Variants in NEBL observed in about 807,000 individuals in gnomAD.
NEBL encodes LIM and SH3 protein 2.
Under a neutral mutation model 140.2 loss-of-function variants are expected in NEBL, and 122 were observed. The observed-to-expected ratio is 0.87, with a 90% CI of 0.75 to 1.01. NEBL has a LOEUF of 1.01. NEBL is among the 50% of genes least tolerant of loss of function. NEBL has a pLI of 0.00. For missense variants in NEBL, 1,365 were observed against 1,231.3 expected, an observed-to-expected ratio of 1.11 and a Z score of -1.62; for synonymous variants, 436 against 398.9, an observed-to-expected ratio of 1.09 and a Z score of -1.11.
At chr10:20,897,514 A>G, upstream of NEBL, 4 of 1,117,274 alleles carry the variant, frequency 3.6e-6, no homozygotes, top group Non-Finnish European at 4.4e-6. Context: ...GAAAAAATTT[A>G]TTTATCTTTT....
At chr10:21,060,125 C>T (rs1262599387) in intron 2 of NEBL, among the ~76,000 whole-genome samples, 1 of 152,136 alleles carries the variant, frequency 6.6e-6, no homozygotes. Flanking sequence ...CCAGATCTCC[C>T]AGGCAATGAT....
At chr10:21,078,944 C>T (rs981854677) in intron 2 of NEBL, among the ~76,000 whole-genome samples, 5 of 152,182 alleles carry the variant, frequency 3.3e-5, no homozygotes, top group African/African-American at 1.2e-4. Flanking sequence ...TAAGCACGTG[C>T]GGCTCCTGCC....
intron 10 of NEBL, among the ~76,000 whole-genome samples, chr10:20,851,689 G>A (rs953275301): frequency 6.6e-6 from 1 of 152,018 alleles, no homozygotes; most frequent in African/African-American, 2.4e-5. Flanking sequence ...GGAGGCTGAG[G>A]CAGGAGAATC....
chr10:21,270,978 C>T (rs1442288205), intron 1 of NEBL, among the ~76,000 whole-genome samples: 1 of 152,144 alleles, frequency 6.6e-6, no homozygotes, highest in African/African-American at 2.4e-5. Flanking sequence ...CCTCAAAAGA[C>T]TGAAAATAGA....
At chr10:21,007,613 T>C (rs955824723) in intron 3 of NEBL, among the ~76,000 whole-genome samples, 1 of 152,210 alleles carries the variant, frequency 6.6e-6, no homozygotes, top group Non-Finnish European at 1.5e-5. Flanking sequence ...GTGTGGTTAT[T>C]TATTAGTAAC....
At chr10:21,010,510 T>A (rs1564479069) in intron 3 of NEBL, among the ~76,000 whole-genome samples, 1 of 149,916 alleles carries the variant, frequency 6.7e-6, no homozygotes, top group African/African-American at 2.5e-5. Flanking sequence ...CACCTCGAAC[T>A]CCCAAAGCAC....
At chr10:20,819,707 A>G (rs551773078) in intron 19 of NEBL, among the ~76,000 whole-genome samples, 191 bp from the exon 20 acceptor site, 2 of 151,696 alleles carry the variant, frequency 1.3e-5, no homozygotes, top group South Asian at 4.2e-4. Flanking sequence ...TTTCCTTGTC[A>G]AGTGGTTTTG....
chr10:21,255,109 A>G (rs1345767947), intron 1 of NEBL, among the ~76,000 whole-genome samples: 2 of 152,212 alleles, frequency 1.3e-5, no homozygotes, highest in East Asian at 1.9e-4. Context: ...CTTGAGTCTG[A>G]AGATGGTTCG....
intron 3 of NEBL, among the ~76,000 whole-genome samples, chr10:20,979,220 C>A (rs1836932667): frequency 6.6e-6 from 1 of 151,860 alleles, no homozygotes; most frequent in African/African-American, 2.4e-5. Flanking sequence ...GAGTTGGAGA[C>A]CAGCCTGGGC....
intron 3 of NEBL, among the ~76,000 whole-genome samples, chr10:20,976,922 TA>T (rs373538681): frequency 0.029 from 3,778 of 129,590 alleles, 95 homozygotes; most frequent in African/African-American, 0.077. Context: ...GAATCTACAT[TA>T]AAAAAAAAAA....
intron 2 of NEBL, among the ~76,000 whole-genome samples, chr10:21,162,179 T>C (rs1014817174): frequency 6.6e-6 from 1 of 152,202 alleles, no homozygotes; most frequent in African/African-American, 2.4e-5. Flanking sequence ...AAAACACATA[T>C]TGATCCCACA....
chr10:20,887,110 G>A (rs1846590711), intron 4 of NEBL, among the ~76,000 whole-genome samples: 2 of 152,102 alleles, frequency 1.3e-5, no homozygotes, highest in Admixed American at 6.5e-5. Context: ...ACCAGAAAGA[G>A]GTGAAACATT....
intron 4 of NEBL, among the ~76,000 whole-genome samples, chr10:20,883,194 C>T (rs571881669): frequency 1.1e-4 from 16 of 152,320 alleles, no homozygotes; most frequent in African/African-American, 3.4e-4. Flanking sequence ...AACACATCCA[C>T]GGACCACAAC....
chr10:21,169,101 T>A (rs1840963777), intron 2 of NEBL, among the ~76,000 whole-genome samples: 1 of 121,866 alleles, frequency 8.2e-6, no homozygotes, highest in Admixed American at 8.8e-5. Context: ...TATATATATA[T>A]ATATATTTGG....
At position 20,835,520 on chromosome 10, in the gene NEBL, G is replaced by T; in HGVS notation, c.1442C>A (p.Ala481Glu). Residue 481 changes from alanine to glutamate, a missense_variant, in exon 14 of 28, where the codon GCG becomes GAG. Ala to Glu is a moderately radical substitution (Grantham distance 107). This residue lies in a region of NEBL where 1,323 missense variants were observed against 1,154.8 expected (regional missense o/e 1.15). Coordinates refer to ENST00000377122, the MANE Select transcript of NEBL (RefSeq NM_006393.3). ...ATCACGCACCCTACTAACCTCACTC[G>T]CTATCTCTGCAGCCTTCTTGGCATG... The part of the protein sequence containing the change: ...MQHAKKAAEI[A>E]SEKDYKRDLE... 6.2e-7 allele frequency: 1 copy of T among 1,609,234 alleles called. No homozygotes were observed.
At chr10:21,197,201 C>A (rs1010009923) in intron 3 of NEBL, among the ~76,000 whole-genome samples, 2 of 152,206 alleles carry the variant, frequency 1.3e-5, no homozygotes, top group Admixed American at 6.5e-5. Context: ...GCATCAGAAT[C>A]CCTATGAGGT....
intron 3 of NEBL, among the ~76,000 whole-genome samples, chr10:21,186,448 G>A (rs1841473590): frequency 6.6e-6 from 1 of 151,988 alleles, no homozygotes. Context: ...ATTTGTTCCA[G>A]GACTCCCTGC....
chr10:21,163,205 G>GT (rs986217375), intron 2 of NEBL, among the ~76,000 whole-genome samples: 4 of 151,824 alleles, frequency 2.6e-5, no homozygotes, highest in Admixed American at 6.6e-5. Context: ...TAGAAACCCA[G>GT]TTTTTTTTCC....
rs547746275 is a variant in NEBL, at chr10:20,803,707, A to G, written c.2761+4803T>C. ...CATCACTCCACTTTTTATAGAGTCA[A>G]TCAGCACCTTCTCACCAGAGCCCAG... On this transcript the variant is annotated intron_variant, in intron 26 of 27. Coordinates refer to ENST00000377122, the MANE Select transcript of NEBL (RefSeq NM_006393.3). 2.2e-4 allele frequency among the ~76,000 whole-genome samples: 34 copies of G among 151,778 alleles called. 1 individual carries two copies. In the East Asian group the frequency reaches 3.1e-3, roughly 14 times the overall value.
Sources: gnomAD v4.1 joint callset for allele counts (sites outside exome capture counted in the v4.1 genomes callset) on GRCh38, gnomAD v4.1.1 for gene constraint, gnomAD v4.1.1 regional missense constraint, MANE v1.5 for transcripts, NCBI Gene and HGNC (gene_info 2026-07-23, HGNC 2026-07-21) for gene names.